EP300: variants seen among roughly 807,000 people sequenced by gnomAD.
The protein encoded by EP300 is EP300 lysine acetyltransferase.
EP300 carries 31 observed loss-of-function variants against 264.0 expected under a neutral mutation model. The ratio of observed to expected loss-of-function variants is 0.12; its 90% CI spans 0.09 to 0.16. The LOEUF is 0.16. Ranked by LOEUF, EP300 falls within the 10% of genes least tolerant of loss-of-function variation. The pLI, the probability that EP300 is intolerant of heterozygous loss-of-function variation, is 1.00. For missense variants in EP300, 2,766 were observed against 3,052.9 expected (o/e 0.91, Z 2.21); for synonymous variants, 1,340 against 1,045.4 (o/e 1.28, Z -5.44).
chr22:41,171,104 C>T (rs1437753776), intron 27 of EP300, among the ~76,000 whole-genome samples: 1 of 149,078 alleles, frequency 6.7e-6, no homozygotes, highest in African/African-American at 2.5e-5. Flanking sequence ...AGCGGTAGAT[C>T]AAGAAATCCC....
intron 6 of EP300, among the ~76,000 whole-genome samples, chr22:41,133,676 T>G (rs2058933410): frequency 6.6e-6 from 1 of 152,234 alleles, no homozygotes; most frequent in Non-Finnish European, 1.5e-5. Context: ...CTGCTATTTT[T>G]TACTTTCTTC....
At chr22:41,149,736 C>T in intron 13 of EP300, 25 bp from the exon 14 acceptor site, 1 of 1,611,412 alleles carries the variant, frequency 6.2e-7, no homozygotes, top group Non-Finnish European at 8.5e-7. Flanking sequence ...GAATTGCTGT[C>T]TTGTTATGTT....
chr22:41,167,826 G>GTTTTTTTTTTT (rs1192332279), intron 23 of EP300, among the ~76,000 whole-genome samples: 65 of 32,190 alleles, frequency 2.0e-3, no homozygotes, highest in African/African-American at 3.8e-3. Flanking sequence ...TTTTTTTTTT[G>GTTTTTTTTTTT]TTTTTTTTTT....
In EP300 at chr22:41,177,899, C is replaced by T; in HGVS notation, c.6188C>T (p.Ser2063Phe). 1.9e-6 allele frequency: 3 copies of T among 1,614,240 alleles called. No individual in the cohort carries two copies. The highest frequency in any genetic ancestry group is 2.5e-6 in the Non-Finnish European group (3 of 1,180,032). Residue 2063 changes from serine (S) to phenylalanine (F), a missense_variant, in exon 31 of 31, where the codon TCT becomes TTT. Coordinates refer to ENST00000263253, the MANE Select transcript of EP300 (RefSeq NM_001429.4). ...TTGCGGACTCTCAGGTCTCCCAGCT[C>T]TCCCCTGCAGCAGCAACAGGTGCTT... ...NLLRTLRSPS[S>F]PLQQQQVLSI... is the part of the protein sequence containing the mutation.
chr22:41,146,053 C>A (rs1004470692), intron 10 of EP300, among the ~76,000 whole-genome samples: 1 of 152,008 alleles, frequency 6.6e-6, no homozygotes, highest in Non-Finnish European at 1.5e-5. Context: ...TGATCAAATT[C>A]GGCCACCATT....
rs71328778 is a variant in EP300 at position 41,167,814 on chromosome 22, G to GGTTTTTTTTTTTTT, written c.3875-635_3875-634insGTTTTTTTTTTTTT. On this transcript the variant is annotated intron_variant, in intron 23 of 30. Transcript: ENST00000263253. ...CATTGTTCTATTTCTGTTTGTTTTT[G>GGTTTTTTTTTTTTT]TTTTTTTTTTTGTTTTTTTTTTTTT... 8.2e-4 allele frequency among the ~76,000 whole-genome samples: 54 copies of GGTTTTTTTTTTTTT among 66,224 alleles called. 10 individuals are homozygous for GGTTTTTTTTTTTTT. The highest frequency in any genetic ancestry group is 2.1e-3 in the Admixed American group (8 of 3,738). 43.4% of individuals were successfully genotyped at this position (66,224 alleles called of 152,430 possible).
chr22:41,177,143 A>C lies in EP300; in HGVS notation c.5432A>C (p.Gln1811Pro). The change falls in exon 31 of 31, where the codon CAG becomes CCG. Residue 1811 changes from glutamine (Q) to proline (P), a missense_variant. Coordinates refer to ENST00000263253, the MANE Select transcript of EP300 (RefSeq NM_001429.4). ...GTGCCGTTCTGCCTAAACATCAAGCAGAAGCTCCGGCAGCAACAGCTGCAG... is the reference window on the plus strand; with the variant it reads ...GTGCCGTTCTGCCTAAACATCAAGCCGAAGCTCCGGCAGCAACAGCTGCAG... ...CPVPFCLNIK[Q>P]KLRQQQLQHR... The C allele has an allele frequency of 6.2e-7, 1 of 1,614,128 alleles. No homozygotes were observed. Among genetic ancestry groups the C allele is most frequent in the Non-Finnish European group, 8.5e-7 (1 of 1,180,012 alleles).
chr22:41,176,739 G>A (rs2059202885), intron 30 of EP300, 34 bp from the exon 31 acceptor site: 3 of 1,613,596 alleles, frequency 1.9e-6, no homozygotes, highest in African/African-American at 1.3e-5. Flanking sequence ...TTAAATCTTG[G>A]AGAGTTTACG....
In EP300 at chr22:41,179,364, A is replaced by G. The variant is rs1206522749; in HGVS notation, c.*408A>G. 2 of 220,866 alleles carry G rather than the reference A, an allele frequency of 9.1e-6. No individual in the cohort carries two copies. The highest frequency in any genetic ancestry group is 2.3e-5 in the African/African-American group (1 of 44,058). The allele number at this position is 220,866 out of a possible 1,614,324, so 13.7% of individuals were successfully genotyped here. On this transcript the variant is annotated 3_prime_UTR_variant, in exon 31 of 31. Transcript: ENST00000263253. ...GTGCAGATGGTTGACATTTTTCCCTATTTTCCTCACTTTATGGAAGAGTTA... is the reference window on the plus strand; with the variant it reads ...GTGCAGATGGTTGACATTTTTCCCTGTTTTCCTCACTTTATGGAAGAGTTA...
Position 41,157,508 on chromosome 22 carries a change from A to G in EP300, c.3501+100A>G, listed in dbSNP as rs878968744. On this transcript the variant is annotated intron_variant, in intron 18 of 30. Transcript: ENST00000263253. ...AGAATATCCTGCTTCTGGCTTTGAC[A>G]TGGCTTTTTTTTTTTTTTTTTTTTT... 1.6e-5 allele frequency: 13 copies of G among 831,164 alleles called. No individual in the cohort carries two copies. In the Admixed American group the frequency reaches 2.2e-4, roughly 14 times the overall value. 51.5% of individuals were successfully genotyped at this position (831,164 alleles called of 1,614,324 possible). A position where few individuals can be genotyped will look rare whatever the true frequency, so the allele number is the denominator to read the frequency against.
At chr22:41,131,355 A>T (rs748027173) in intron 5 of EP300, 33 bp from the exon 6 acceptor site, 1 of 1,610,664 alleles carries the variant, frequency 6.2e-7, no homozygotes, top group African/African-American at 1.3e-5. Context: ...CACCAGCATT[A>T]ATTTGTAATA....
intron 11 of EP300, 124 bp downstream of exon 11, chr22:41,146,940 A>AG (rs1380443032): frequency 2.4e-6 from 2 of 842,872 alleles, no homozygotes; most frequent in Non-Finnish European, 3.9e-6. Flanking sequence ...CCATAGAGGA[A>AG]GAGGGGGTGA....
chr22:41,122,157 C>CTTT (rs71328774), intron 2 of EP300, among the ~76,000 whole-genome samples: 563 of 35,660 alleles, frequency 0.016, 4 homozygotes, highest in African/African-American at 0.022. Flanking sequence ...TCTTCTTCTT[C>CTTT]TTTTTTTTTT....
chr22:41,175,197 GTTTAAA>G (rs2145773799), intron 29 of EP300, among the ~76,000 whole-genome samples: 1 of 152,304 alleles, frequency 6.6e-6, no homozygotes, highest in African/African-American at 2.4e-5. Flanking sequence ...TTCCATGGCT[GTTTAAA>G]TTTAGGTTGT....
chr22:41,120,409 G>T (rs1164606853), intron 2 of EP300, among the ~76,000 whole-genome samples: 1 of 152,088 alleles, frequency 6.6e-6, no homozygotes, highest in African/African-American at 2.4e-5. Context: ...CTTGTAGAGC[G>T]AATTATACTC....
chr22:41,177,861 C>T lies in EP300; in HGVS notation c.6150C>T (p.Ala2050=), dbSNP rs754840814. 8.7e-6 allele frequency: 14 copies of T among 1,614,076 alleles called. No homozygotes were observed. The highest frequency in any genetic ancestry group is 4.5e-5 in the East Asian group (2 of 44,902). The change falls in exon 31 of 31, where the codon GCC becomes GCT. Residue 2050 remains alanine (A), a synonymous_variant. Transcript: ENST00000263253. ...PLKPGTVSQQ[A]LQNLLRTLRS... is the part of the protein sequence containing the mutation. Reference sequence around the variant, plus strand: ...AACCAGGCACTGTGTCTCAACAAGCCTTACAAAACCTTTTGCGGACTCTCA... The same window carrying T: ...AACCAGGCACTGTGTCTCAACAAGCTTTACAAAACCTTTTGCGGACTCTCA...
intron 1 of EP300, among the ~76,000 whole-genome samples, chr22:41,100,348 G>C (rs2058724623): frequency 6.6e-6 from 1 of 152,222 alleles, no homozygotes; most frequent in Admixed American, 6.5e-5. Context: ...CTCCTGTATA[G>C]ATAGACTGGA....
intron 1 of EP300, among the ~76,000 whole-genome samples, chr22:41,116,767 G>C (rs2058823774): frequency 6.6e-6 from 1 of 152,112 alleles, no homozygotes; most frequent in African/African-American, 2.4e-5. Flanking sequence ...CATACAAATA[G>C]TATATATATA....
chr22:41,109,931 G>T (rs1328742380), intron 1 of EP300, among the ~76,000 whole-genome samples: 1 of 150,512 alleles, frequency 6.6e-6, no homozygotes, highest in Non-Finnish European at 1.5e-5. Flanking sequence ...CTCCTGCCCC[G>T]GCCTCCTGAG....
Sources: gnomAD v4.1 joint callset for allele counts (sites outside exome capture counted in the v4.1 genomes callset) on GRCh38, gnomAD v4.1.1 for gene constraint, MANE v1.5 for transcripts, NCBI Gene and HGNC (gene_info 2026-07-23, HGNC 2026-07-21) for gene names.